CTNNA3: variants seen among roughly 807,000 people sequenced by gnomAD.
The protein encoded by CTNNA3 is catenin alpha 3.
In CTNNA3, 76 loss-of-function variants were observed where a neutral mutation model predicts 95.7. The ratio of observed to expected loss-of-function variants is 0.79; its 90% CI spans 0.66 to 0.96. The LOEUF is 0.96. CTNNA3 is among the 40% of genes least tolerant of loss of function. CTNNA3 has a pLI of 0.00. For synonymous variants in CTNNA3, 431 were observed against 374.4 expected (o/e 1.15, Z -1.74); for missense variants, 1,191 against 1,089.8 (o/e 1.09, Z -1.31).
intron 5 of CTNNA3, among the ~76,000 whole-genome samples, chr10:67,459,677 G>T (rs897575317): frequency 5.9e-5 from 9 of 152,280 alleles, no homozygotes; most frequent in African/African-American, 2.2e-4. Context: ...TGGAGCAAAA[G>T]CAAAATGTCT....
chr10:67,356,509 C>G (rs1210126206), intron 5 of CTNNA3, among the ~76,000 whole-genome samples: 1 of 152,064 alleles, frequency 6.6e-6, no homozygotes, highest in Non-Finnish European at 1.5e-5. Context: ...ACCCTCAATC[C>G]TCAGATCCTT....
chr10:67,454,520 C>T lies in CTNNA3; in HGVS notation c.579+67322G>A, dbSNP rs550386376. The stretch of plus-strand genomic sequence containing the variant: ...GGATGCTGATTTACAGTGAAATTTC[C>T]GAGTCAAATAAAAATGAAGCATTGT... On this transcript the variant is annotated intron_variant, in intron 5 of 17. Coordinates refer to ENST00000433211, the MANE Select transcript of CTNNA3 (RefSeq NM_013266.4). Among the ~76,000 whole-genome samples the T allele has an allele frequency of 1.3e-3, 192 of 152,100 alleles. 1 individual carries two copies. The highest frequency in any genetic ancestry group is 4.3e-3 in the African/African-American group (180 of 41,496).
intron 7 of CTNNA3, among the ~76,000 whole-genome samples, chr10:67,062,435 A>C (rs557581615): frequency 6.6e-6 from 1 of 152,298 alleles, no homozygotes; most frequent in African/African-American, 2.4e-5. Flanking sequence ...TTATCTCTTA[A>C]GTATGCAGGT....
chr10:66,704,878 G>GTTCA (rs1013108369), intron 9 of CTNNA3, among the ~76,000 whole-genome samples: 14 of 152,014 alleles, frequency 9.2e-5, no homozygotes, highest in South Asian at 2.1e-4. Context: ...GATGTCATTT[G>GTTCA]TTCATTCATT....
chr10:67,754,818 A>T (rs1841424550), intron 1 of CTNNA3, among the ~76,000 whole-genome samples: 1 of 152,218 alleles, frequency 6.6e-6, no homozygotes, highest in African/African-American at 2.4e-5. Flanking sequence ...AGAGTATATA[A>T]GGAGCTCAAA....
intron 10 of CTNNA3, among the ~76,000 whole-genome samples, chr10:66,604,440 G>A (rs886597705): frequency 3.9e-5 from 6 of 152,076 alleles, no homozygotes; most frequent in African/African-American, 7.2e-5. Context: ...TGCTGCAGCC[G>A]ATGAGCGTGC....
intron 5 of CTNNA3, among the ~76,000 whole-genome samples, chr10:67,479,993 A>G (rs1848157212): frequency 6.6e-6 from 1 of 152,176 alleles, no homozygotes; most frequent in African/African-American, 2.4e-5. Context: ...TCTAAAGGAA[A>G]TGGATAAATT....
At chr10:66,732,779 C>T (rs1849002346) in intron 9 of CTNNA3, among the ~76,000 whole-genome samples, 1 of 151,854 alleles carries the variant, frequency 6.6e-6, no homozygotes, top group African/African-American at 2.4e-5. Context: ...ACATTATCCC[C>T]TAAACAAAGT....
chr10:67,034,599 G>A (rs1589637559), intron 7 of CTNNA3, among the ~76,000 whole-genome samples: 1 of 151,942 alleles, frequency 6.6e-6, no homozygotes, highest in Non-Finnish European at 1.5e-5. Context: ...CCAAATTCAG[G>A]TCTTTACTAA....
intron 7 of CTNNA3, among the ~76,000 whole-genome samples, chr10:66,818,695 T>C (rs188541358): frequency 6.6e-6 from 1 of 150,932 alleles, no homozygotes; most frequent in East Asian, 2.0e-4. Context: ...ACAAATTTAA[T>C]GCAGTCCCTT....
rs372482202 is a variant in CTNNA3, at chr10:67,180,357, C to T, written c.1007G>A (p.Arg336His). 69 of 1,613,334 alleles carry T rather than the reference C, an allele frequency of 4.3e-5. No individual in the cohort carries two copies. Among genetic ancestry groups the T allele is most frequent in the Admixed American group, 8.3e-5 (5 of 59,936 alleles). Residue 336 changes from arginine to histidine, a missense_variant, in exon 7 of 18, where the codon CGC (arginine) becomes CAC (histidine). Physicochemically the swap from Arg to His is conservative, Grantham distance 29. Transcript: ENST00000433211. ...ERIIAECNAIRQALQDLLSEY... is the reference protein window; with the variant it reads ...ERIIAECNAIHQALQDLLSEY... Reference sequence around the variant, plus strand: ...TGAAAGCAGATCCTGAAGAGCCTGGCGAATGGCGTTGCATTCTGCGATAAT... The same window carrying T: ...TGAAAGCAGATCCTGAAGAGCCTGGTGAATGGCGTTGCATTCTGCGATAAT...
At chr10:66,173,885 C>G (rs537240911) in intron 13 of CTNNA3, among the ~76,000 whole-genome samples, 5 of 152,210 alleles carry the variant, frequency 3.3e-5, no homozygotes, top group South Asian at 4.1e-4. Context: ...AAGCATACAA[C>G]AAGAAGCAGA....
At chr10:66,798,009 G>C (rs1433600377) in intron 7 of CTNNA3, among the ~76,000 whole-genome samples, 1 of 151,604 alleles carries the variant, frequency 6.6e-6, no homozygotes, top group Non-Finnish European at 1.5e-5. Context: ...TTACCACAAG[G>C]AGACTATTTT....
At chr10:67,182,342 G>T (rs1486436838) in intron 6 of CTNNA3, among the ~76,000 whole-genome samples, 2 of 152,058 alleles carry the variant, frequency 1.3e-5, no homozygotes, top group African/African-American at 4.8e-5. Flanking sequence ...CCAAAACAGA[G>T]ATATAGACCA....
intron 1 of CTNNA3, among the ~76,000 whole-genome samples, chr10:67,735,813 C>T (rs1841299546): frequency 6.6e-6 from 1 of 152,016 alleles, no homozygotes; most frequent in Admixed American, 6.6e-5. Context: ...TAGGTATATA[C>T]CCAAGAGAAT....
At chr10:67,299,385 G>T (rs1429635073) in intron 5 of CTNNA3, among the ~76,000 whole-genome samples, 1 of 152,078 alleles carries the variant, frequency 6.6e-6, no homozygotes, top group African/African-American at 2.4e-5. Flanking sequence ...GTTAGATTTA[G>T]AATATGATCA....
At chr10:66,855,773 T>C (rs1843662365) in intron 7 of CTNNA3, among the ~76,000 whole-genome samples, 1 of 152,056 alleles carries the variant, frequency 6.6e-6, no homozygotes, top group Non-Finnish European at 1.5e-5. Context: ...GTTCACATCA[T>C]GTTCTTAAGG....
At chr10:66,668,450 G>GTGTGTGTGTGTGTGTGTGTGTGTT (rs1846538144) in intron 9 of CTNNA3, among the ~76,000 whole-genome samples, 1 of 151,730 alleles carries the variant, frequency 6.6e-6, no homozygotes, top group Admixed American at 6.6e-5. Flanking sequence ...GTGTGTGTGT[G>GTGTGTGTGTGTGTGTGTGTGTGTT]TGTGTGTGAT....
At chr10:66,772,211 G>T (rs927420015) in intron 8 of CTNNA3, among the ~76,000 whole-genome samples, 3 of 152,050 alleles carry the variant, frequency 2.0e-5, no homozygotes, top group Non-Finnish European at 4.4e-5. Flanking sequence ...AGATCACAAG[G>T]TCAGGAGTTC....
Sources: allele counts gnomAD v4.1 joint callset (sites outside exome capture counted in the v4.1 genomes callset), GRCh38; gene constraint gnomAD v4.1.1; transcripts MANE v1.5; gene names NCBI Gene and HGNC (gene_info 2026-07-23, HGNC 2026-07-21).